TMEM178B: variants seen among roughly 807,000 people sequenced by gnomAD.
TMEM178B encodes transmembrane protein 178B.
A neutral mutation model predicts 31.0 loss-of-function variants in TMEM178B; 5 were observed. The observed-to-expected ratio is 0.16, with a 90% confidence interval of 0.08 to 0.34. The LOEUF is 0.34. TMEM178B is among the 10% of genes least tolerant of loss of function. The pLI, the probability that TMEM178B is intolerant of heterozygous loss-of-function variation, is 1.00. For missense variants in TMEM178B, 275 were observed against 400.3 expected, an observed-to-expected ratio of 0.69 and a Z score of 2.67; for synonymous variants, 164 against 164.0, an observed-to-expected ratio of 1.00 and a Z score of 0.00.
intron 1 of TMEM178B, among the ~76,000 whole-genome samples, chr7:141,097,436 A>G (rs1794981517): frequency 6.6e-6 from 1 of 151,610 alleles, no homozygotes; most frequent in African/African-American, 2.4e-5. Flanking sequence ...TACATGTTAT[A>G]GTAATCTGTA....
intron 1 of TMEM178B, among the ~76,000 whole-genome samples, chr7:141,170,225 CAT>C (rs1796325736): frequency 6.6e-6 from 1 of 152,060 alleles, no homozygotes; most frequent in African/African-American, 2.4e-5. Context: ...TATTGTTATT[CAT>C]ATGTTTGTAT....
intron 1 of TMEM178B, among the ~76,000 whole-genome samples, chr7:141,189,065 A>G (rs1377780378): frequency 1.3e-5 from 2 of 152,256 alleles, no homozygotes; most frequent in East Asian, 1.9e-4. Flanking sequence ...CTGAAGGTCT[A>G]CAATGAAGCC....
chr7:141,099,631 A>T (rs1293059001), intron 1 of TMEM178B, among the ~76,000 whole-genome samples: 1 of 152,202 alleles, frequency 6.6e-6, no homozygotes, highest in African/African-American at 2.4e-5. Flanking sequence ...TTGCACTATT[A>T]TAGATCTATA....
rs1041541636 is a variant in TMEM178B at position 141,472,644 on chromosome 7, C to T, written c.*1858C>T. 6.6e-6 allele frequency: 1 copy of T among 152,240 alleles called. No individual in the cohort carries two copies. The highest frequency in any genetic ancestry group is 1.5e-5 in the Non-Finnish European group (1 of 68,054). The allele number at this position is 152,240 out of a possible 1,614,324, so 9.4% of individuals were successfully genotyped here. ...AATATGCTTTGGGAGCTTTGCCAGGCACTCAGCAGCCTTTCTTCCACTGCT... is the reference window on the plus strand; with the variant it reads ...AATATGCTTTGGGAGCTTTGCCAGGTACTCAGCAGCCTTTCTTCCACTGCT... On this transcript the variant is annotated 3_prime_UTR_variant, in exon 4 of 4. Coordinates refer to ENST00000565468, the MANE Select transcript of TMEM178B (RefSeq NM_001195278.2).
intron 1 of TMEM178B, among the ~76,000 whole-genome samples, chr7:141,129,338 CT>C (rs1795557431): frequency 6.6e-6 from 1 of 152,158 alleles, no homozygotes; most frequent in African/African-American, 2.4e-5. Context: ...ATAGGTACAT[CT>C]TTATTTTGCT....
intron 1 of TMEM178B, among the ~76,000 whole-genome samples, chr7:141,139,954 C>CCCT: frequency 6.6e-6 from 1 of 152,008 alleles, no homozygotes; most frequent in Non-Finnish European, 1.5e-5. Flanking sequence ...TTAGTAGAGA[C>CCCT]AGAGTTTCAC....
chr7:141,144,773 T>A (rs1326265983), intron 1 of TMEM178B, among the ~76,000 whole-genome samples: 1 of 152,026 alleles, frequency 6.6e-6, no homozygotes, highest in African/African-American at 2.4e-5. Flanking sequence ...AGACATGCAG[T>A]TCAAGGTGGG....
chr7:141,093,170 A>G (rs1430597543), intron 1 of TMEM178B, among the ~76,000 whole-genome samples: 2 of 152,196 alleles, frequency 1.3e-5, no homozygotes, highest in Non-Finnish European at 2.9e-5. Flanking sequence ...AGAAGGGCAT[A>G]TATAGAAGCC....
chr7:141,075,352 A>T (rs1334159125), intron 1 of TMEM178B, among the ~76,000 whole-genome samples: 1 of 152,214 alleles, frequency 6.6e-6, no homozygotes, highest in African/African-American at 2.4e-5. Context: ...GTAAAAAAAA[A>T]ATAGTTCTTT....
intron 1 of TMEM178B, among the ~76,000 whole-genome samples, chr7:141,202,648 C>G (rs955649460): frequency 1.3e-5 from 2 of 152,242 alleles, no homozygotes; most frequent in Non-Finnish European, 2.9e-5. Flanking sequence ...AACCTTCTTT[C>G]TGGCTGGGCC....
In TMEM178B at chr7:141,318,445, G is replaced by A. The variant is rs973890147; in HGVS notation, c.496+105741G>A. ...CCCAAGTGTTTGGTTTCAGGAAACT[G>A]TTCAAGTTTTTATTTAGCTTTCATT... is the stretch of plus-strand genomic sequence containing the variant. On this transcript the variant is annotated intron_variant, in intron 2 of 3. Transcript: ENST00000565468. The surrounding 1 kb of genome is among the most constrained non-coding windows in gnomAD (Gnocchi z 4.1). Among the ~76,000 whole-genome samples, 2 of 152,146 alleles carry A rather than the reference G, an allele frequency of 1.3e-5. No individual in the cohort carries two copies.
chr7:141,348,595 G>A (rs1799658699), intron 2 of TMEM178B, among the ~76,000 whole-genome samples: 1 of 152,188 alleles, frequency 6.6e-6, no homozygotes, highest in African/African-American at 2.4e-5. Context: ...AAGAAAGAGT[G>A]TGGATAATTT....
chr7:141,343,628 C>T (rs1799557055), intron 2 of TMEM178B, among the ~76,000 whole-genome samples: 1 of 148,532 alleles, frequency 6.7e-6, no homozygotes, highest in African/African-American at 2.5e-5. Context: ...CGGCTCACTG[C>T]AAGCTCCACC....
intron 2 of TMEM178B, among the ~76,000 whole-genome samples, chr7:141,365,350 G>A (rs988264582): frequency 4.6e-5 from 7 of 152,184 alleles, no homozygotes; most frequent in African/African-American, 1.4e-4. Flanking sequence ...TCCAGGGGAC[G>A]CTTCTGACTT....
chr7:141,100,222 T>C (rs905000414), intron 1 of TMEM178B, among the ~76,000 whole-genome samples: 1 of 151,672 alleles, frequency 6.6e-6, no homozygotes, highest in Admixed American at 6.6e-5. Flanking sequence ...TTTTTTTTTT[T>C]AAATAAGTAA....
chr7:141,111,871 T>C (rs1795238974), intron 1 of TMEM178B, among the ~76,000 whole-genome samples: 1 of 152,234 alleles, frequency 6.6e-6, no homozygotes, highest in Admixed American at 6.5e-5. Context: ...AATGAGTGTT[T>C]GCCTATATCA....
chr7:141,489,527 C>T, the TMEM178B span, among the ~76,000 whole-genome samples: 4 of 152,186 alleles, frequency 2.6e-5, no homozygotes, highest in South Asian at 6.2e-4. Flanking sequence ...TCTTACTTCC[C>T]TCATTTCTCT....
chr7:141,182,810 C>T (rs954274557), intron 1 of TMEM178B, among the ~76,000 whole-genome samples: 6 of 152,200 alleles, frequency 3.9e-5, no homozygotes, highest in African/African-American at 9.6e-5. Flanking sequence ...GCTCTCTTTT[C>T]CCTGAGCCAC....
intron 3 of TMEM178B, among the ~76,000 whole-genome samples, chr7:141,455,400 T>C (rs1298924612): frequency 6.6e-6 from 1 of 152,200 alleles, no homozygotes; most frequent in East Asian, 1.9e-4. Flanking sequence ...ATGAATCATA[T>C]TTAAACACCA....
Sources: gnomAD v4.1 joint callset for allele counts (sites outside exome capture counted in the v4.1 genomes callset) on GRCh38, gnomAD v4.1.1 for gene constraint, Gnocchi (gnomAD v3.1) non-coding constraint, MANE v1.5 for transcripts, NCBI Gene and HGNC (gene_info 2026-07-23, HGNC 2026-07-21) for gene names.